CYLD: variants seen among roughly 807,000 people sequenced by gnomAD.
CYLD encodes ubiquitin carboxyl-terminal hydrolase CYLD.
CYLD carries 26 observed loss-of-function variants against 104.5 expected under a neutral mutation model. The ratio of observed to expected loss-of-function variants is 0.25; its 90% CI spans 0.18 to 0.35. The LOEUF (loss-of-function observed/expected upper bound fraction) is 0.35. Among genes scored for constraint, CYLD ranks in the 10% least tolerant of loss-of-function variants. The pLI, the probability that CYLD is intolerant of heterozygous loss-of-function variation, is 1.00. For missense variants in CYLD, 703 were observed against 1,136.1 expected, an observed-to-expected ratio of 0.62 and a Z score of 5.48; for synonymous variants, 385 against 399.9, an observed-to-expected ratio of 0.96 and a Z score of 0.45.
At chr16:50,751,952 TTATATATATATGTATA>T (rs1966657142) in intron 4 of CYLD, 46 bp downstream of exon 4, 2 of 818,772 alleles carry the variant, frequency 2.4e-6, no homozygotes, top group Non-Finnish European at 3.6e-6. Context: ...ATATATTAGT[TTATATATATATGTATA>T]TATATATATA....
intron 18 of CYLD, among the ~76,000 whole-genome samples, chr16:50,795,263 G>C (rs1358273641): frequency 3.3e-5 from 5 of 151,734 alleles, no homozygotes; most frequent in Non-Finnish European, 7.3e-5. Context: ...GAGAGCAGAA[G>C]TAAACATCCT....
In CYLD at chr16:50,751,059, A is replaced by AT. The variant is rs927484761; in HGVS notation, c.505-537dup. Among the ~76,000 whole-genome samples, 49 of 152,168 alleles carry AT rather than the reference A, an allele frequency of 3.2e-4. 1 individual carries two copies. Among genetic ancestry groups the AT allele is most frequent in the African/African-American group, 1.1e-3 (47 of 41,540 alleles). ...CATGTCTTCTTTGCTTCTTGATTTA[A>AT]TTTTTTTTAAAAGCAGTGATTGTAA... On this transcript the variant is annotated intron_variant, in intron 3 of 18. Transcript: ENST00000427738.
chr16:50,791,801 A>G, intron 15 of CYLD, 111 bp downstream of exon 15: 1 of 1,238,022 alleles, frequency 8.1e-7, no homozygotes, highest in Middle Eastern at 1.9e-4. Flanking sequence ...TTTGAAACAC[A>G]AACTGTTAAG....
intron 5 of CYLD, among the ~76,000 whole-genome samples, chr16:50,755,145 A>ATGTGTGTATATACACACGTGTACATATG (rs1567427267): frequency 1.9e-3 from 67 of 34,880 alleles, no homozygotes; most frequent in Non-Finnish European, 2.4e-3. Context: ...ACGTGTACAT[A>ATGTGTGTATATACACACGTGTACATATG]TGTGTGTATA....
At chr16:50,755,339 G>A (rs34552113) in intron 5 of CYLD, among the ~76,000 whole-genome samples, 3 of 151,662 alleles carry the variant, frequency 2.0e-5, no homozygotes, top group East Asian at 1.9e-4. Context: ...TGCTGTAAAC[G>A]TGCATGTGCA....
In CYLD at chr16:50,779,895, A is replaced by C. The variant is rs746024152; in HGVS notation, c.1369A>C (p.Ser457Arg). ...EELNTAPVQE[S>R]PPLAMPPGNS... is the part of the protein sequence containing the mutation. ...GCTAAACACTGCACCCGTCCAAGAG[A>C]GTCCACCCTTGGCCATGCCTCCTGG... Residue 457 changes from serine (S) to arginine (R), a missense_variant, in exon 9 of 19, where the codon AGT becomes CGT. Physicochemically the swap from Ser to Arg is moderately radical, Grantham distance 110. Coordinates refer to ENST00000427738, the MANE Select transcript of CYLD (RefSeq NM_001378743.1). 7.4e-6 allele frequency: 12 copies of C among 1,614,054 alleles called. No homozygotes were observed. The highest frequency in any genetic ancestry group is 9.3e-6 in the Non-Finnish European group (11 of 1,179,954).
At chr16:50,770,955 A>G (rs1969081144) in intron 5 of CYLD, among the ~76,000 whole-genome samples, 1 of 152,144 alleles carries the variant, frequency 6.6e-6, no homozygotes, top group South Asian at 2.1e-4. Flanking sequence ...ACAGAGTACA[A>G]GATTTTTATT....
rs543669481 is a variant in CYLD, at chr16:50,772,292, G to A, written c.914-2874G>A. Among the ~76,000 whole-genome samples the A allele has an allele frequency of 4.6e-5, 7 of 152,254 alleles. No homozygotes were observed. In the East Asian group the frequency reaches 9.7e-4, roughly 21 times the overall value. On this transcript the variant is annotated intron_variant, in intron 5 of 18. Coordinates refer to ENST00000427738, the MANE Select transcript of CYLD (RefSeq NM_001378743.1). ...GAAGAAAACCCAGAGGGAAATCTCT[G>A]TGATGTTATTTCTTAGGTCTTGAGG...
chr16:50,782,525 G>A (rs1024947647), intron 11 of CYLD, 59 bp downstream of exon 11: 11 of 1,462,472 alleles, frequency 7.5e-6, no homozygotes, highest in African/African-American at 5.6e-5. Context: ...GACACATACC[G>A]GTGTGTGTGT....
intron 6 of CYLD, among the ~76,000 whole-genome samples, chr16:50,775,681 C>T (rs985789641): frequency 2.0e-5 from 3 of 152,128 alleles, no homozygotes; most frequent in African/African-American, 7.2e-5. Flanking sequence ...TTTTGTTTCT[C>T]CCTGAGCAGT....
At chr16:50,792,375 A>T (rs1420836221) in intron 15 of CYLD, among the ~76,000 whole-genome samples, 1 of 152,124 alleles carries the variant, frequency 6.6e-6, no homozygotes, top group Non-Finnish European at 1.5e-5. Context: ...GAACTCTGTG[A>T]CCTCTAGGTG....
intron 12 of CYLD, 37 bp from the exon 13 acceptor site, chr16:50,786,818 C>T (rs1970885951): frequency 4.5e-6 from 6 of 1,339,954 alleles, no homozygotes; most frequent in Non-Finnish European, 6.4e-6. Context: ...TAATTTAATA[C>T]ATGCCAATAT....
chr16:50,754,164 T>C (rs1006393117), intron 4 of CYLD, among the ~76,000 whole-genome samples, 155 bp from the exon 5 acceptor site: 2 of 152,202 alleles, frequency 1.3e-5, no homozygotes, highest in African/African-American at 2.4e-5. Flanking sequence ...CTTATTACTA[T>C]GGCAACTATT....
chr16:50,786,255 TC>T (rs1286832077), intron 12 of CYLD: 3 of 152,252 alleles, frequency 2.0e-5, no homozygotes, highest in Non-Finnish European at 4.4e-5. Flanking sequence ...TGCTTTAATT[TC>T]CCAAGCAAAT....
chr16:50,775,147 C>T lies in CYLD; in HGVS notation c.914-19C>T, dbSNP rs2150979140. 6 of 1,594,608 alleles carry T rather than the reference C, an allele frequency of 3.8e-6. No individual in the cohort carries two copies. Among genetic ancestry groups the T allele is most frequent in the Non-Finnish European group, 5.1e-6 (6 of 1,176,110 alleles). ...TCCTCAAATCCACTGTGGGTGATAT[C>T]GTTTTTGCTGACACACAGCTTTATC... On this transcript the variant is annotated intron_variant, in intron 5 of 18. Coordinates refer to ENST00000427738, the MANE Select transcript of CYLD (RefSeq NM_001378743.1).
At chr16:50,751,420 G>T (rs138766989) in intron 3 of CYLD, among the ~76,000 whole-genome samples, 184 bp from the exon 4 acceptor site, 89 of 152,276 alleles carry the variant, frequency 5.8e-4, no homozygotes, top group African/African-American at 1.9e-3. Flanking sequence ...TTCAGCATCA[G>T]ATACAACTTC....
At chr16:50,751,346 A>G (rs1966599609) in intron 3 of CYLD, among the ~76,000 whole-genome samples, 1 of 152,254 alleles carries the variant, frequency 6.6e-6, no homozygotes, top group African/African-American at 2.4e-5. Flanking sequence ...TAGAATCACA[A>G]CGTGGAATTC....
At chr16:50,748,064 T>G (rs1287512478) in intron 2 of CYLD, among the ~76,000 whole-genome samples, 2 of 152,190 alleles carry the variant, frequency 1.3e-5, no homozygotes, top group Non-Finnish European at 2.9e-5. Context: ...AATCTAAAAT[T>G]TGGTTCTTTA....
chr16:50,794,192 C>T lies in CYLD; in HGVS notation c.2470-20C>T, dbSNP rs1388570580. 3.7e-6 allele frequency: 6 copies of T among 1,608,084 alleles called. No individual in the cohort carries two copies. Among genetic ancestry groups the T allele is most frequent in the Non-Finnish European group, 5.1e-6 (6 of 1,174,996 alleles). Reference sequence around the variant, plus strand: ...CCACCAGCCTCGGCCTAATGACATTCTTTTCATGGTCCATTTTAGGTCCAC... The same window carrying T: ...CCACCAGCCTCGGCCTAATGACATTTTTTTCATGGTCCATTTTAGGTCCAC... On this transcript the variant is annotated intron_variant, in intron 17 of 18. Coordinates refer to ENST00000427738, the MANE Select transcript of CYLD (RefSeq NM_001378743.1). This position sits in a 1 kb window ranked among gnomAD's most constrained non-coding sequence, Gnocchi z 4.1.
Sources: allele counts gnomAD v4.1 joint callset (sites outside exome capture counted in the v4.1 genomes callset), GRCh38; gene constraint gnomAD v4.1.1; non-coding constraint Gnocchi (gnomAD v3.1); transcripts MANE v1.5; gene names NCBI Gene and HGNC (gene_info 2026-07-23, HGNC 2026-07-21).